Variants in GALNTL6 observed in about 807,000 individuals in gnomAD.
GALNTL6 encodes the protein polypeptide N-acetylgalactosaminyltransferase-like 6.
In GALNTL6, 46 loss-of-function variants were observed where a neutral mutation model predicts 73.7. The observed-to-expected ratio is 0.62, with a 90% CI of 0.49 to 0.80. The LOEUF is 0.80. Among genes scored for constraint, GALNTL6 ranks in the 30% least tolerant of loss-of-function variants. The pLI is 0.00. For missense variants in GALNTL6, 604 were observed against 755.0 expected (o/e 0.80, Z 2.34); for synonymous variants, 259 against 263.7 (o/e 0.98, Z 0.17).
At chr4:172,915,746 G>A (rs1259244872) in intron 8 of GALNTL6, among the ~76,000 whole-genome samples, 4 of 152,140 alleles carry the variant, frequency 2.6e-5, no homozygotes, top group Admixed American at 6.5e-5. Context: ...TGAAATTGAG[G>A]CAGTAATTAA....
chr4:172,870,362 C>T (rs980741655), intron 7 of GALNTL6, among the ~76,000 whole-genome samples: 1 of 152,136 alleles, frequency 6.6e-6, no homozygotes, highest in Non-Finnish European at 1.5e-5. Context: ...CCACCACGTC[C>T]AGCCTGAGCA....
chr4:172,380,689 TA>T (rs1371708167), intron 5 of GALNTL6, among the ~76,000 whole-genome samples: 2 of 152,256 alleles, frequency 1.3e-5, no homozygotes, highest in Non-Finnish European at 2.9e-5. Flanking sequence ...TTTAAAAATG[TA>T]ATTGAAATCT....
intron 2 of GALNTL6, among the ~76,000 whole-genome samples, chr4:172,170,599 G>C (rs772456127): frequency 2.1e-5 from 3 of 143,162 alleles, no homozygotes; most frequent in Non-Finnish European, 4.5e-5. Flanking sequence ...AACCTCCTCC[G>C]CTTTCCGAGT....
Position 172,782,831 on chromosome 4 carries a change from C to T in GALNTL6, c.554-26530C>T, listed in dbSNP as rs150467016. ...TGTGGAGATTGAGGAAAACTGTGTG[C>T]TTAATGAGAAAGAAGAGTAGCACTT... On this transcript the variant is annotated intron_variant, in intron 5 of 12. Coordinates refer to ENST00000506823, the MANE Select transcript of GALNTL6 (RefSeq NM_001034845.3). Among the ~76,000 whole-genome samples, 809 of 151,930 alleles carry T rather than the reference C, an allele frequency of 5.3e-3. 7 individuals carry two copies. The highest frequency in any genetic ancestry group is 7.9e-3 in the South Asian group (38 of 4,800).
chr4:172,935,327 A>T (rs1471716326), intron 9 of GALNTL6, among the ~76,000 whole-genome samples: 4 of 152,114 alleles, frequency 2.6e-5, no homozygotes, highest in African/African-American at 9.7e-5. Flanking sequence ...AGTATCAGTA[A>T]TTTTTTCATT....
chr4:172,586,257 G>A (rs1192536827), intron 5 of GALNTL6, among the ~76,000 whole-genome samples: 1 of 152,022 alleles, frequency 6.6e-6, no homozygotes, highest in Admixed American at 6.6e-5. Context: ...TACCTATAAA[G>A]GAAAGAGAAT....
intron 3 of GALNTL6, among the ~76,000 whole-genome samples, chr4:172,302,428 G>C (rs182602822): frequency 1.4e-3 from 207 of 152,264 alleles, no homozygotes; most frequent in African/African-American, 4.7e-3. Flanking sequence ...ACCTCAGTTG[G>C]AAATGCAGAA....
chr4:172,562,025 T>C (rs923619411), intron 5 of GALNTL6, among the ~76,000 whole-genome samples: 4 of 152,178 alleles, frequency 2.6e-5, no homozygotes, highest in Admixed American at 2.0e-4. Context: ...TTTTGGAAAA[T>C]CACCATTTAT....
chr4:172,247,340 T>C (rs900197659), intron 3 of GALNTL6, among the ~76,000 whole-genome samples: 1 of 152,154 alleles, frequency 6.6e-6, no homozygotes, highest in African/African-American at 2.4e-5. Context: ...TTCACAGCCT[T>C]CTGAAATACT....
intron 4 of GALNTL6, among the ~76,000 whole-genome samples, chr4:172,316,760 T>C (rs1740574237): frequency 6.6e-6 from 1 of 152,228 alleles, no homozygotes; most frequent in African/African-American, 2.4e-5. Context: ...GAGCATGGTT[T>C]AGATGCAGGC....
intron 10 of GALNTL6, among the ~76,000 whole-genome samples, chr4:172,977,872 G>A (rs575436755): frequency 3.9e-5 from 6 of 152,104 alleles, no homozygotes; most frequent in East Asian, 3.9e-4. Flanking sequence ...GCACATTCTC[G>A]CTCTGTTGCC....
chr4:172,259,362 G>A (rs1468695870), intron 3 of GALNTL6, among the ~76,000 whole-genome samples: 3 of 150,758 alleles, frequency 2.0e-5, no homozygotes, highest in African/African-American at 4.9e-5. Flanking sequence ...AGTTAATGAT[G>A]TTGAGCTTTT....
At chr4:172,612,644 T>C (rs1313235723) in intron 5 of GALNTL6, among the ~76,000 whole-genome samples, 1 of 152,066 alleles carries the variant, frequency 6.6e-6, no homozygotes, top group East Asian at 1.9e-4. Context: ...GGGTAGCCAA[T>C]CAGAAGAGTC....
intron 5 of GALNTL6, among the ~76,000 whole-genome samples, chr4:172,497,152 A>G (rs1734095150): frequency 6.6e-6 from 1 of 152,230 alleles, no homozygotes; most frequent in South Asian, 2.1e-4. Context: ...TGGTCATTGT[A>G]AGAGGGATTT....
chr4:171,937,698 A>G lies in GALNTL6; in HGVS notation c.138+122980A>G, dbSNP rs1738394110. 5.3e-5 allele frequency among the ~76,000 whole-genome samples: 8 copies of G among 152,320 alleles called. No homozygotes were observed. In the South Asian group the frequency reaches 1.4e-3, roughly 28 times the overall value. On this transcript the variant is annotated intron_variant, in intron 2 of 12. Transcript: ENST00000506823. ...TGAAACAGTTTCACACCTTCTGATC[A>G]AAGAGTCTTCCAGAAAAATTGGTCA... is the stretch of plus-strand genomic sequence containing the variant.
chr4:172,820,104 G>A (rs529793378), intron 7 of GALNTL6, among the ~76,000 whole-genome samples: 1 of 152,328 alleles, frequency 6.6e-6, no homozygotes, highest in Admixed American at 6.5e-5. Context: ...GCCCAGTGGA[G>A]AGTGTGAGTA....
chr4:172,706,488 G>T (rs1364424316), intron 5 of GALNTL6, among the ~76,000 whole-genome samples: 1 of 151,976 alleles, frequency 6.6e-6, no homozygotes, highest in Non-Finnish European at 1.5e-5. Context: ...GGAGGTCATG[G>T]TTCTCTATCC....
intron 2 of GALNTL6, 52 bp from the exon 3 acceptor site, chr4:172,229,604 A>G (rs1736983881): frequency 3.6e-6 from 4 of 1,096,004 alleles, no homozygotes; most frequent in Non-Finnish European, 5.6e-6. Flanking sequence ...TTTACCTACC[A>G]TGCAAAAGGA....
intron 2 of GALNTL6, among the ~76,000 whole-genome samples, chr4:171,970,791 A>G (rs1739546611): frequency 6.6e-6 from 1 of 152,232 alleles, no homozygotes; most frequent in South Asian, 2.1e-4. Flanking sequence ...GGCTTTAAAA[A>G]AGATAAATAT....
Sources: allele counts gnomAD v4.1 joint callset (sites outside exome capture counted in the v4.1 genomes callset), GRCh38; gene constraint gnomAD v4.1.1; transcripts MANE v1.5; gene names NCBI Gene and HGNC (gene_info 2026-07-23, HGNC 2026-07-21).